SOX5: variants seen among roughly 807,000 people sequenced by gnomAD.
SOX5 encodes SRY-box transcription factor 5.
A neutral mutation model predicts 92.0 loss-of-function variants in SOX5; 9 were observed. That is an observed-to-expected ratio of 0.10 (90% CI 0.06 to 0.17). SOX5 has a LOEUF of 0.17. Among genes scored for constraint, SOX5 ranks in the 10% least tolerant of loss-of-function variants. The pLI, the probability that SOX5 is intolerant of heterozygous loss-of-function variation, is 1.00. For synonymous variants in SOX5, 344 were observed against 336.3 expected (o/e 1.02, Z -0.25); for missense variants, 642 against 944.5 (o/e 0.68, Z 4.20).
At chr12:23,596,398 T>C (rs1012167195) in intron 9 of SOX5, among the ~76,000 whole-genome samples, 2 of 152,236 alleles carry the variant, frequency 1.3e-5, no homozygotes, top group African/African-American at 4.8e-5. Context: ...AACAAATTTA[T>C]ACTTTGAGGC....
intron 3 of SOX5, among the ~76,000 whole-genome samples, chr12:23,758,682 C>T (rs894690381): frequency 1.2e-4 from 18 of 151,860 alleles, no homozygotes; most frequent in South Asian, 6.2e-4. Flanking sequence ...TGAATGGGTC[C>T]GCCCAAAAGC....
At chr12:23,982,842 T>C (rs1329737639) in intron 4 of SOX5, among the ~76,000 whole-genome samples, 2 of 152,184 alleles carry the variant, frequency 1.3e-5, no homozygotes, top group Non-Finnish European at 2.9e-5. Flanking sequence ...TACTAAGCCA[T>C]TGAATCCAGT....
intron 2 of SOX5, among the ~76,000 whole-genome samples, chr12:23,884,557 T>G (rs2097040071): frequency 6.6e-6 from 1 of 152,166 alleles, no homozygotes; most frequent in Non-Finnish European, 1.5e-5. Flanking sequence ...AAGTAAAGAT[T>G]GTTCTACCTG....
intron 9 of SOX5, among the ~76,000 whole-genome samples, chr12:23,578,852 A>G (rs1859788059): frequency 6.6e-6 from 1 of 152,224 alleles, no homozygotes; most frequent in South Asian, 2.1e-4. Flanking sequence ...TCTTTTTGAC[A>G]TCATCATAAC....
chr12:24,530,308 A>G lies in SOX5; in HGVS notation c.-251+32021T>C, dbSNP rs543415841. Reference sequence around the variant, plus strand: ...GAAAGAGTCAGAGTTCAGTGACCTGAGCATAGTGACCTAGATGATGTCGTC... The same window carrying G: ...GAAAGAGTCAGAGTTCAGTGACCTGGGCATAGTGACCTAGATGATGTCGTC... On this transcript the variant is annotated intron_variant, in intron 1 of 4. Transcript: ENST00000446891. Among the ~76,000 whole-genome samples the G allele has an allele frequency of 2.6e-4, 39 of 152,362 alleles. No individual in the cohort carries two copies. In the East Asian group the frequency reaches 6.8e-3, roughly 26 times the overall value.
rs1432589481 is a variant in SOX5 at position 23,578,144 on chromosome 12, A to AAAAAAAAAAAAAAAAAAAAAAG, written c.1165-2307_1165-2306insCTTTTTTTTTTTTTTTTTTTTT. Among the ~76,000 whole-genome samples, 13 of 134,906 alleles carry AAAAAAAAAAAAAAAAAAAAAAG rather than the reference A, an allele frequency of 9.6e-5. 3 individuals are homozygous for AAAAAAAAAAAAAAAAAAAAAAG. The highest frequency in any genetic ancestry group is 1.8e-4 in the Non-Finnish European group (11 of 61,724). The allele number at this position is 134,906 out of a possible 152,430, so 88.5% of individuals were successfully genotyped here. The stretch of plus-strand genomic sequence containing the variant: ...AAAAAAAAAAAAAAAAAAAAAAAAA[A>AAAAAAAAAAAAAAAAAAAAAAG]AAAAAACTATAGGGGCAATATTATC... On this transcript the variant is annotated intron_variant, in intron 9 of 14. Coordinates refer to ENST00000451604, the MANE Select transcript of SOX5 (RefSeq NM_006940.6).
At chr12:23,854,249 T>G (rs2096664458) in intron 2 of SOX5, among the ~76,000 whole-genome samples, 1 of 152,098 alleles carries the variant, frequency 6.6e-6, no homozygotes, top group African/African-American at 2.4e-5. Flanking sequence ...AGCTAAACGT[T>G]TGCTAGCACT....
In SOX5 at chr12:23,751,001, T is replaced by G. The variant is rs545569629; in HGVS notation, c.568+4637A>C. Reference sequence around the variant, plus strand: ...TCAAACTTATTTTGAAAACTTATATTCTACGCGCCAGCAGTCTTTCTTTAG... The same window carrying G: ...TCAAACTTATTTTGAAAACTTATATGCTACGCGCCAGCAGTCTTTCTTTAG... On this transcript the variant is annotated intron_variant, in intron 4 of 14. Coordinates refer to ENST00000451604, the MANE Select transcript of SOX5 (RefSeq NM_006940.6). Among the ~76,000 whole-genome samples the G allele has an allele frequency of 1.3e-3, 204 of 152,056 alleles. 1 individual carries two copies. In the Middle Eastern group the frequency reaches 0.014, roughly 10 times the overall value.
intron 4 of SOX5, among the ~76,000 whole-genome samples, chr12:24,107,191 T>G (rs1946788497): frequency 6.6e-6 from 1 of 152,206 alleles, no homozygotes; most frequent in Admixed American, 6.5e-5. Context: ...TTATGCCTCA[T>G]GACAACAAGC....
At chr12:24,021,515 C>T (rs1364263320) in intron 4 of SOX5, among the ~76,000 whole-genome samples, 2 of 152,110 alleles carry the variant, frequency 1.3e-5, no homozygotes, top group Admixed American at 6.6e-5. Flanking sequence ...ACTCTCAGGA[C>T]CATCACAACA....
chr12:23,929,796 T>C (rs571914744), intron 1 of SOX5, among the ~76,000 whole-genome samples: 75 of 152,060 alleles, frequency 4.9e-4, no homozygotes, highest in African/African-American at 1.8e-3. Context: ...CACGACAGCT[T>C]ATATTGAACC....
chr12:23,853,978 T>C (rs936682637), intron 2 of SOX5, among the ~76,000 whole-genome samples: 1 of 152,132 alleles, frequency 6.6e-6, no homozygotes, highest in African/African-American at 2.4e-5. Flanking sequence ...AGCCACTGAT[T>C]AGATATAATT....
chr12:23,703,727 G>GACACAC (rs61366137), intron 6 of SOX5, among the ~76,000 whole-genome samples: 26,077 of 148,690 alleles, frequency 0.18, 2,243 homozygotes, highest in Middle Eastern at 0.23. Context: ...TTTCTCAGGG[G>GACACAC]ACACACACAC....
intron 3 of SOX5, among the ~76,000 whole-genome samples, chr12:24,230,860 G>A (rs542232442): frequency 1.3e-5 from 2 of 152,264 alleles, no homozygotes; most frequent in Non-Finnish European, 2.9e-5. Context: ...CAAAGCAAAA[G>A]CACACAGTCA....
In SOX5 at chr12:24,385,460, CA is replaced by C. The variant is rs1447860779; in HGVS notation, c.-250-16822del. 2.0e-5 allele frequency among the ~76,000 whole-genome samples: 3 copies of C among 152,186 alleles called. No individual in the cohort carries two copies. The East Asian group carries it at 5.8e-4, about 29-fold the overall frequency. On this transcript the variant is annotated intron_variant, in intron 1 of 4. Transcript: ENST00000446891. ...TATTTTCAATTTACAATGGGTTTAT[CA>C]GGACATAACCCCATTGTATGTCGGG...
intron 4 of SOX5, among the ~76,000 whole-genome samples, chr12:24,010,975 T>C (rs1952863349): frequency 6.6e-6 from 1 of 151,958 alleles, no homozygotes; most frequent in Non-Finnish European, 1.5e-5. Context: ...GAAATATTAA[T>C]AGGGTTTAGA....
intron 3 of SOX5, among the ~76,000 whole-genome samples, chr12:23,788,245 A>T (rs990883835): frequency 6.6e-6 from 1 of 152,004 alleles, no homozygotes; most frequent in Non-Finnish European, 1.5e-5. Context: ...GTCAGAGAGT[A>T]GCAAATGTAA....
At chr12:23,793,965 A>G (rs2095519542) in intron 3 of SOX5, among the ~76,000 whole-genome samples, 1 of 152,190 alleles carries the variant, frequency 6.6e-6, no homozygotes, top group African/African-American at 2.4e-5. Context: ...TTACCATCAC[A>G]GGGTATGGTG....
intron 10 of SOX5, among the ~76,000 whole-genome samples, chr12:23,567,977 T>C (rs541018932): frequency 6.6e-6 from 1 of 152,148 alleles, no homozygotes; most frequent in African/African-American, 2.4e-5. Context: ...AAACCACTTG[T>C]AATGGGTTGA....
Sources: allele counts gnomAD v4.1 joint callset (sites outside exome capture counted in the v4.1 genomes callset), GRCh38; gene constraint gnomAD v4.1.1; transcripts MANE v1.5; gene names NCBI Gene and HGNC (gene_info 2026-07-23, HGNC 2026-07-21).